The following OSBPL10 variants were observed in gnomAD, a reference collection of about 807,000 sequenced individuals.
OSBPL10 encodes the protein oxysterol-binding protein-related protein 10.
Under a neutral mutation model 81.7 loss-of-function variants are expected in OSBPL10, and 49 were observed. The observed-to-expected ratio is 0.60, with a 90% CI of 0.48 to 0.76. The LOEUF is 0.76. Among genes scored for constraint, OSBPL10 ranks in the 30% least tolerant of loss-of-function variants. OSBPL10 has a pLI of 0.00. For synonymous variants in OSBPL10, 419 were observed against 383.6 expected, an observed-to-expected ratio of 1.09 and a Z score of -1.08; for missense variants, 923 against 987.8, an observed-to-expected ratio of 0.93 and a Z score of 0.88.
rs1402352494 is a variant in OSBPL10, at chr3:31,722,061, GA to G, written c.1095+11195del. 7.7e-4 allele frequency among the ~76,000 whole-genome samples: 117 copies of G among 152,208 alleles called. 1 individual carries two copies. Among genetic ancestry groups the G allele is most frequent in the Admixed American group, 6.5e-5 (1 of 15,288 alleles). ...CTTAAAGAGACCCAAATGCTGAGGA[GA>G]AAAAAGCTTATTCACCTCATTCTCA... On this transcript the variant is annotated intron_variant, in intron 6 of 11. Coordinates refer to ENST00000396556, the MANE Select transcript of OSBPL10 (RefSeq NM_017784.5).
Position 31,828,040 on chromosome 3 carries a change from T to C in OSBPL10, c.729+2000A>G, listed in dbSNP as rs544962380. On this transcript the variant is annotated intron_variant, in intron 4 of 11. Coordinates refer to ENST00000396556, the MANE Select transcript of OSBPL10 (RefSeq NM_017784.5). ...ATACATACAGGCTTCCTATCATTTA[T>C]AACAGTAAGTCCACAGAGATTCATT... Among the ~76,000 whole-genome samples the C allele has an allele frequency of 4.6e-5, 7 of 152,286 alleles. No individual in the cohort carries two copies. In the East Asian group the frequency reaches 5.8e-4, roughly 13 times the overall value.
chr3:31,870,887 ACT>A (rs1278004910), intron 3 of OSBPL10, among the ~76,000 whole-genome samples: 3 of 151,176 alleles, frequency 2.0e-5, no homozygotes, highest in Non-Finnish European at 2.9e-5. Flanking sequence ...ACCAATCGAC[ACT>A]CTGTATCTAG....
intron 6 of OSBPL10, among the ~76,000 whole-genome samples, chr3:31,727,434 T>C (rs570324931): frequency 1.3e-5 from 2 of 151,534 alleles, no homozygotes; most frequent in Admixed American, 1.3e-4. Context: ...TGGAAGGAGA[T>C]GTAGTCTGTT....
rs774799990 is a variant in OSBPL10 at position 32,065,944 on chromosome 3, GAAGAAAGAAAGAAAGAAAGA to G, written n.185+11432_185+11451del. On this transcript the variant is annotated intron_variant and non_coding_transcript_variant, in intron 1 of 3. Coordinates refer to the OSBPL10 transcript ENST00000479173. ...AAGAAAGAAAGAAGGAAAGAAGAAA[GAAGAAAGAAAGAAAGAAAGA>G]AAGAAAGAAAGAAAGAAAGAAAGAA... Among the ~76,000 whole-genome samples, 321 of 35,928 alleles carry G rather than the reference GAAGAAAGAAAGAAAGAAAGA, an allele frequency of 8.9e-3. 45 individuals carry two copies. The highest frequency in any genetic ancestry group is 0.029 in the Middle Eastern group (2 of 68). The allele number at this position is 35,928 out of a possible 152,430, so 23.6% of individuals were successfully genotyped here.
chr3:31,988,616 C>T (rs1012431209), intron 2 of OSBPL10: 3 of 177,470 alleles, frequency 1.7e-5, no homozygotes, highest in Non-Finnish European at 3.6e-5. Context: ...CGCTCTCTCT[C>T]TCTCTTTCTC....
chr3:31,852,605 T>C (rs919317248), intron 3 of OSBPL10, among the ~76,000 whole-genome samples: 2 of 151,738 alleles, frequency 1.3e-5, no homozygotes, highest in Admixed American at 1.3e-4. Flanking sequence ...TGAGACAGGG[T>C]TTCGCTCCCG....
chr3:31,942,002 C>T lies in OSBPL10; in HGVS notation c.281+38897G>A, dbSNP rs148208674. Among the ~76,000 whole-genome samples the T allele has an allele frequency of 2.7e-3, 412 of 152,246 alleles. 3 individuals carry two copies. Among genetic ancestry groups the T allele is most frequent in the African/African-American group, 9.3e-3 (385 of 41,548 alleles). ...CGAGAATGCAATGTATGGCAGGGCA[C>T]GGTGGCTCACGCCTGTAATCCCAGC... On this transcript the variant is annotated intron_variant, in intron 1 of 11. Transcript: ENST00000396556.
chr3:32,060,021 T>C (rs1357564074), intron 1 of OSBPL10, among the ~76,000 whole-genome samples: 2 of 152,148 alleles, frequency 1.3e-5, no homozygotes, highest in Non-Finnish European at 2.9e-5. Context: ...CTGGTAATGT[T>C]CTGTGATCTG....
At chr3:32,000,068 CTTTG>C (rs773073092) in intron 2 of OSBPL10, among the ~76,000 whole-genome samples, 6 of 152,206 alleles carry the variant, frequency 3.9e-5, no homozygotes, top group East Asian at 1.9e-4. Context: ...CAATGGTTAT[CTTTG>C]TTTGTTTCTA....
At chr3:31,757,921 G>C (rs1444756649) in intron 4 of OSBPL10, among the ~76,000 whole-genome samples, 1 of 152,138 alleles carries the variant, frequency 6.6e-6, no homozygotes, top group Non-Finnish European at 1.5e-5. Flanking sequence ...ACAGACACCA[G>C]AACAGCTCTG....
chr3:31,983,650 T>C (rs767464937), upstream of OSBPL10, among the ~76,000 whole-genome samples: 46 of 152,308 alleles, frequency 3.0e-4, no homozygotes, highest in Non-Finnish European at 1.8e-4. Context: ...CTGGTGACAC[T>C]GTTCCCTGCT....
At chr3:31,867,520 T>C (rs1172625291) in intron 3 of OSBPL10, among the ~76,000 whole-genome samples, 1 of 152,120 alleles carries the variant, frequency 6.6e-6, no homozygotes, top group Non-Finnish European at 1.5e-5. Flanking sequence ...GGAGGGTGGA[T>C]CACTTGAGGT....
At chr3:32,076,485 T>C (rs1355189150) in intron 1 of OSBPL10, among the ~76,000 whole-genome samples, 1 of 152,134 alleles carries the variant, frequency 6.6e-6, no homozygotes, top group Admixed American at 6.5e-5. Context: ...GGTGGTCTCT[T>C]CACACGGACA....
upstream of OSBPL10, among the ~76,000 whole-genome samples, chr3:31,984,748 G>A (rs1006031515): frequency 6.6e-6 from 1 of 152,186 alleles, no homozygotes; most frequent in Non-Finnish European, 1.5e-5. Flanking sequence ...TTCAAACAAG[G>A]AGGGAATAGT....
chr3:31,859,284 A>T (rs1026341059), intron 3 of OSBPL10, among the ~76,000 whole-genome samples: 2 of 152,248 alleles, frequency 1.3e-5, no homozygotes, highest in Non-Finnish European at 2.9e-5. Context: ...GAGACAAACC[A>T]TGAAATGGGA....
chr3:31,742,278 C>G (rs1165213857), intron 5 of OSBPL10, among the ~76,000 whole-genome samples: 1 of 152,214 alleles, frequency 6.6e-6, no homozygotes, highest in Non-Finnish European at 1.5e-5. Context: ...GGCAAACAGC[C>G]AGAAGAGCCA....
chr3:31,952,285 CTGTT>C (rs956783275), intron 1 of OSBPL10, among the ~76,000 whole-genome samples: 1 of 151,718 alleles, frequency 6.6e-6, no homozygotes, highest in African/African-American at 2.4e-5. Flanking sequence ...ATAAATTCAT[CTGTT>C]TGTCCAGGTT....
chr3:31,667,470 T>C (rs961739829), intron 10 of OSBPL10, among the ~76,000 whole-genome samples: 2 of 152,252 alleles, frequency 1.3e-5, no homozygotes, highest in African/African-American at 2.4e-5. Context: ...TAATGTATTA[T>C]TTATACATAC....
At chr3:31,904,375 A>G (rs766443204) in intron 1 of OSBPL10, among the ~76,000 whole-genome samples, 85 of 152,216 alleles carry the variant, frequency 5.6e-4, no homozygotes, top group Non-Finnish European at 1.0e-3. Context: ...CCAAGAAGCC[A>G]AAATGATATC....
Sources: allele counts gnomAD v4.1 joint callset (sites outside exome capture counted in the v4.1 genomes callset), GRCh38; gene constraint gnomAD v4.1.1; transcripts MANE v1.5; gene names NCBI Gene and HGNC (gene_info 2026-07-23, HGNC 2026-07-21).